Variants in ARL3 observed in about 807,000 individuals in gnomAD.
The protein encoded by ARL3 is ADP-ribosylation factor-like protein 3.
Under a neutral mutation model 26.0 loss-of-function variants are expected in ARL3, and 9 were observed. That is an observed-to-expected ratio of 0.35 (90% CI 0.21 to 0.60). The LOEUF (loss-of-function observed/expected upper bound fraction) is 0.60. Among genes scored for constraint, ARL3 ranks in the 20% least tolerant of loss-of-function variants. The pLI is 0.78. For synonymous variants in ARL3, 71 were observed against 78.4 expected, an observed-to-expected ratio of 0.91 and a Z score of 0.50; for missense variants, 158 against 215.7, an observed-to-expected ratio of 0.73 and a Z score of 1.67.
At chr10:102,689,792 C>T in intron 4 of ARL3, 101 bp downstream of exon 4, 1 of 619,396 alleles carries the variant, frequency 1.6e-6, no homozygotes, top group Non-Finnish European at 2.7e-6. Context: ...CATGCCATTG[C>T]ACTCTAGCCT....
chr10:102,694,232 T>G (rs2064235757), intron 3 of ARL3, among the ~76,000 whole-genome samples: 1 of 152,060 alleles, frequency 6.6e-6, no homozygotes, highest in Non-Finnish European at 1.5e-5. Context: ...CTCGTGATCC[T>G]CCCGCCTTGG....
chr10:102,674,928 A>G lies in ARL3; in HGVS notation c.*1966T>C, dbSNP rs1183454570. 3.3e-5 allele frequency: 5 copies of G among 152,136 alleles called. No individual in the cohort carries two copies. Among genetic ancestry groups the G allele is most frequent in the Admixed American group, 2.6e-4 (4 of 15,282 alleles). 9.4% of individuals were successfully genotyped at this position (152,136 alleles called of 1,614,324 possible). A position where few individuals can be genotyped will look rare whatever the true frequency, so the allele number is the denominator to read the frequency against. The stretch of plus-strand genomic sequence containing the variant: ...AAGTTGGTGGTAAAAGAACAAAAAT[A>G]TTTTACAGACCCTCCAATGCCAAAG... On this transcript the variant is annotated 3_prime_UTR_variant, in exon 6 of 6. Coordinates refer to ENST00000260746, the MANE Select transcript of ARL3 (RefSeq NM_004311.4).
At chr10:102,699,325 C>G (rs762636115) in intron 3 of ARL3, 48 bp downstream of exon 3, 4 of 1,003,252 alleles carry the variant, frequency 4.0e-6, no homozygotes, top group Non-Finnish European at 5.7e-6. Flanking sequence ...ATGTTTCTAA[C>G]ACATGGCAGA....
intron 3 of ARL3, among the ~76,000 whole-genome samples, chr10:102,691,317 CT>C (rs1263175475): frequency 7.1e-6 from 1 of 141,264 alleles, no homozygotes; most frequent in Admixed American, 7.6e-5. Context: ...ATTCCCCTTC[CT>C]GTGTCCATGT....
chr10:102,689,072 C>A (rs1156734078), intron 4 of ARL3, among the ~76,000 whole-genome samples: 1 of 152,156 alleles, frequency 6.6e-6, no homozygotes, highest in African/African-American at 2.4e-5. Flanking sequence ...CCTGTAATCC[C>A]AGCACTTTGG....
At chr10:102,677,378 G>T (rs887655886) in intron 5 of ARL3, among the ~76,000 whole-genome samples, 2 of 152,158 alleles carry the variant, frequency 1.3e-5, no homozygotes, top group African/African-American at 4.8e-5. Context: ...TGTACACTTG[G>T]GTTAAATTAA....
chr10:102,703,425 C>CTTTTTTTTTT (rs57721161), intron 2 of ARL3, among the ~76,000 whole-genome samples: 9 of 48,486 alleles, frequency 1.9e-4, no homozygotes, highest in South Asian at 6.7e-4. Context: ...CAGGACTTGT[C>CTTTTTTTTTT]TTTTTTTTTT....
At chr10:102,710,217 A>G (rs2064330730) in intron 1 of ARL3, among the ~76,000 whole-genome samples, 1 of 152,356 alleles carries the variant, frequency 6.6e-6, no homozygotes, top group Admixed American at 6.5e-5. Flanking sequence ...AAAATGATAA[A>G]TGGCATTTCA....
intron 1 of ARL3, among the ~76,000 whole-genome samples, chr10:102,708,312 G>C (rs573641835): frequency 2.2e-4 from 34 of 152,132 alleles, no homozygotes; most frequent in African/African-American, 7.2e-4. Flanking sequence ...TTTCAGAAAA[G>C]TAAAAATTAA....
chr10:102,687,809 G>A (rs2135999244), intron 4 of ARL3, among the ~76,000 whole-genome samples: 1 of 152,256 alleles, frequency 6.6e-6, no homozygotes, highest in South Asian at 2.1e-4. Flanking sequence ...TTATAGCGAT[G>A]AGCCATCACA....
rs1554864095 is a variant in ARL3 at position 102,708,908 on chromosome 10, ATT to A, written c.4-3421_4-3420del. ...ATATTATATATATATATATATATAT[ATT>A]TTTTTTTTTTTTGAGACAAGGTCTC... On this transcript the variant is annotated intron_variant, in intron 1 of 5. Coordinates refer to ENST00000260746, the MANE Select transcript of ARL3 (RefSeq NM_004311.4). Among the ~76,000 whole-genome samples the A allele has an allele frequency of 5.6e-4, 53 of 95,316 alleles. 2 individuals carry two copies. Among genetic ancestry groups the A allele is most frequent in the African/African-American group, 1.9e-3 (46 of 23,828 alleles). The allele number at this position is 95,316 out of a possible 152,430, so 62.5% of individuals were successfully genotyped here. A position where few individuals can be genotyped will look rare whatever the true frequency, so the allele number is the denominator to read the frequency against.
intron 1 of ARL3, among the ~76,000 whole-genome samples, chr10:102,709,808 G>A (rs536995961): frequency 4.6e-5 from 7 of 152,216 alleles, no homozygotes; most frequent in Non-Finnish European, 8.8e-5. Context: ...TGAGGCTGGC[G>A]GATCATTTGA....
rs940232561 is a variant in ARL3 at position 102,676,369 on chromosome 10, C to T, written c.*525G>A. 1.3e-5 allele frequency: 2 copies of T among 152,754 alleles called. No individual in the cohort carries two copies. The highest frequency in any genetic ancestry group is 4.8e-5 in the African/African-American group (2 of 41,386). The allele number at this position is 152,754 out of a possible 1,614,324, so 9.5% of individuals were successfully genotyped here. On this transcript the variant is annotated 3_prime_UTR_variant, in exon 6 of 6. Transcript: ENST00000260746. ...TGCCTTTTCTCCCCCCACCCCCACC[C>T]AGCAGCTTCCTGTCGGACAGACTGA...
At chr10:102,708,906 A>T (rs187323213) in intron 1 of ARL3, among the ~76,000 whole-genome samples, 3,014 of 100,076 alleles carry the variant, frequency 0.03, 63 homozygotes, top group South Asian at 0.054. Context: ...ATATATATAT[A>T]TATTTTTTTT....
At chr10:102,678,247 G>A (rs2064139947) in intron 5 of ARL3, among the ~76,000 whole-genome samples, 1 of 152,162 alleles carries the variant, frequency 6.6e-6, no homozygotes, top group Non-Finnish European at 1.5e-5. Context: ...CAGGGGGAAG[G>A]GCAGAGGAAT....
intron 3 of ARL3, among the ~76,000 whole-genome samples, chr10:102,692,396 T>C (rs559190324): frequency 1.1e-4 from 17 of 152,348 alleles, no homozygotes; most frequent in African/African-American, 4.1e-4. Flanking sequence ...AAGGAGTCTA[T>C]AGCTTTTGAA....
At chr10:102,707,558 G>C (rs571867442) in intron 1 of ARL3, among the ~76,000 whole-genome samples, 1 of 152,310 alleles carries the variant, frequency 6.6e-6, no homozygotes, top group African/African-American at 2.4e-5. Context: ...GGTTGTATTT[G>C]TTATTCACAT....
At chr10:102,681,380 G>A (rs904598864) in intron 5 of ARL3, among the ~76,000 whole-genome samples, 11 of 109,100 alleles carry the variant, frequency 1.0e-4, no homozygotes, top group South Asian at 3.4e-4. Flanking sequence ...CAAGAAGAGC[G>A]AAACTCCATC....
intron 5 of ARL3, among the ~76,000 whole-genome samples, chr10:102,685,193 G>T (rs1330444672): frequency 6.9e-6 from 1 of 145,050 alleles, no homozygotes; most frequent in Non-Finnish European, 1.5e-5. Flanking sequence ...AGGTTGCAGT[G>T]AGCCGAGATT....
Sources: allele counts gnomAD v4.1 joint callset (sites outside exome capture counted in the v4.1 genomes callset), GRCh38; gene constraint gnomAD v4.1.1; transcripts MANE v1.5; gene names NCBI Gene and HGNC (gene_info 2026-07-23, HGNC 2026-07-21).